ABLIM2: variants seen among roughly 807,000 people sequenced by gnomAD.
ABLIM2 encodes actin-binding LIM protein 2.
Under a neutral mutation model 97.7 loss-of-function variants are expected in ABLIM2, and 53 were observed. That is an observed-to-expected ratio of 0.54 (90% CI 0.44 to 0.68). The LOEUF (loss-of-function observed/expected upper bound fraction) is 0.68. Among genes scored for constraint, ABLIM2 ranks in the 30% least tolerant of loss-of-function variants. The probability of loss-of-function intolerance (pLI) is 0.00; values close to 1 mark genes in which losing one functional copy is unlikely to be tolerated. For missense variants in ABLIM2, 835 were observed against 867.2 expected (o/e 0.96, Z 0.47); for synonymous variants, 361 against 345.8 (o/e 1.04, Z -0.49).
intron 6 of ABLIM2, among the ~76,000 whole-genome samples, chr4:8,066,208 A>G (rs1258464273): frequency 2.0e-5 from 3 of 150,160 alleles, no homozygotes; most frequent in Admixed American, 6.7e-5. Context: ...CAGGAGGCTG[A>G]GGCAGGAGAA....
Position 8,020,338 on chromosome 4 carries a change from G to A in ABLIM2, c.1268-35C>T, listed in dbSNP as rs997246229. 10 of 1,553,152 alleles carry A rather than the reference G, an allele frequency of 6.4e-6. No individual in the cohort carries two copies. The African/African-American group carries it at 8.1e-5, about 13-fold the overall frequency. ...GAAGGGCAAAGGCAGCAGATAGAAGGGGAAACGGGAAAGCAAAGTAGAATA... is the reference window on the plus strand; with the variant it reads ...GAAGGGCAAAGGCAGCAGATAGAAGAGGAAACGGGAAAGCAAAGTAGAATA... On this transcript the variant is annotated intron_variant, in intron 12 of 20. Transcript: ENST00000447017.
chr4:7,972,087 A>G (rs1210053168), intron 20 of ABLIM2, among the ~76,000 whole-genome samples: 1 of 152,150 alleles, frequency 6.6e-6, no homozygotes. Flanking sequence ...TCCCTGCAGG[A>G]CCTACAGTGA....
rs556753976 is a variant in ABLIM2, at chr4:8,010,736, G to A, written c.1424-1634C>T. 2.2e-5 allele frequency: 8 copies of A among 369,672 alleles called. No homozygotes were observed. In the East Asian group the frequency reaches 8.3e-4, roughly 38 times the overall value. 22.9% of individuals were successfully genotyped at this position (369,672 alleles called of 1,614,324 possible). On this transcript the variant is annotated intron_variant, in intron 14 of 20. Transcript: ENST00000447017. ...TCAACGCCAAGCCTGCTCAAGAAGC[G>A]CTTAATGGAGAGGCAGAGGGGGCAG...
chr4:8,047,372 C>CCTCCTCCTCCTCCTCCTCTTT (rs1554003947), intron 8 of ABLIM2, among the ~76,000 whole-genome samples: 207 of 151,442 alleles, frequency 1.4e-3, no homozygotes, highest in Non-Finnish European at 1.7e-3. Context: ...TCCTCCTCCT[C>CCTCCTCCTCCTCCTCCTCTTT]CTCCTCCTCC....
At chr4:8,109,325 G>T (rs1839152113) in intron 1 of ABLIM2, among the ~76,000 whole-genome samples, 1 of 152,230 alleles carries the variant, frequency 6.6e-6, no homozygotes. Context: ...CACAGGCCCA[G>T]AAAACACCTG....
intron 7 of ABLIM2, among the ~76,000 whole-genome samples, chr4:8,057,728 A>T (rs1394932768): frequency 1.3e-5 from 2 of 152,234 alleles, no homozygotes; most frequent in South Asian, 4.1e-4. Context: ...CCGCGGCAGG[A>T]ACGGTGGTGG....
chr4:8,035,821 T>G (rs1448974833), intron 10 of ABLIM2, among the ~76,000 whole-genome samples: 2 of 152,228 alleles, frequency 1.3e-5, no homozygotes, highest in Admixed American at 6.5e-5. Flanking sequence ...GAAAATAATC[T>G]AATACTTAAG....
At chr4:8,000,946 A>G (rs528509034) in intron 16 of ABLIM2, among the ~76,000 whole-genome samples, 297 of 152,184 alleles carry the variant, frequency 2.0e-3, no homozygotes, top group African/African-American at 6.7e-3. Context: ...CGGGCACCTT[A>G]TGGGCAGAGG....
In ABLIM2 at chr4:8,071,207, T is replaced by C. The variant is rs1291314365; in HGVS notation, c.675+6421A>G. On this transcript the variant is annotated intron_variant, in intron 6 of 20. Coordinates refer to ENST00000447017, the MANE Select transcript of ABLIM2 (RefSeq NM_001130083.2). The surrounding 1 kb of genome is among the most constrained non-coding windows in gnomAD (Gnocchi z 6.2). ...CAGCAGCTGGCTCTGCCACAGTTGC[T>C]GCCAGGCGCCACCCACCTCTGCTGC... 6.6e-6 allele frequency among the ~76,000 whole-genome samples: 1 copy of C among 152,148 alleles called. No individual in the cohort carries two copies. Among genetic ancestry groups the C allele is most frequent in the Non-Finnish European group, 1.5e-5 (1 of 68,008 alleles).
At position 8,077,666 on chromosome 4, in the gene ABLIM2, C is replaced by T. The variant is rs1042589177; in HGVS notation, c.637G>A (p.Asp213Asn). Residue 213 changes from aspartate (D) to asparagine (N), a missense_variant, in exon 6 of 21, where the codon GAC (aspartate) becomes AAC (asparagine). Coordinates refer to ENST00000447017, the MANE Select transcript of ABLIM2 (RefSeq NM_001130083.2). ...DYHAKFGIRC[D>N]SCEKYITGRV... ...CCCGTGATGTATTTCTCACAGCTGT[C>T]ACAGCGGATGCCGAACTTGGCGTGA... 6.2e-7 allele frequency: 1 copy of T among 1,612,956 alleles called. No individual in the cohort carries two copies. Among genetic ancestry groups the T allele is most frequent in the African/African-American group, 1.3e-5 (1 of 74,940 alleles).
chr4:8,064,048 G>C (rs1332478913), intron 6 of ABLIM2, among the ~76,000 whole-genome samples: 1 of 152,198 alleles, frequency 6.6e-6, no homozygotes, highest in Non-Finnish European at 1.5e-5. Context: ...TGTGCAGTCC[G>C]ATCCTAGCCA....
chr4:7,998,593 G>A lies in ABLIM2; in HGVS notation c.1619-5666C>T, dbSNP rs564056229. On this transcript the variant is annotated intron_variant, in intron 16 of 20. Transcript: ENST00000447017. The surrounding 1 kb of genome is among the most constrained non-coding windows in gnomAD (Gnocchi z 6.4). ...CCCCTGGGTTCACTCCCAGGACTGC[G>A]GGGTGCCTGCTGGCCACCTGCCCAT... 46 of 484,552 alleles carry A rather than the reference G, an allele frequency of 9.5e-5. No individual in the cohort carries two copies. Among genetic ancestry groups the A allele is most frequent in the South Asian group, 2.8e-4 (19 of 66,728 alleles). The allele number at this position is 484,552 out of a possible 1,614,324, so 30.0% of individuals were successfully genotyped here.
rs1416704019 is a variant in ABLIM2, at chr4:8,001,919, T to A, written c.1618+6140A>T. ...ACCTGCCCGCTTGTCAGCACACACA[T>A]GTGCGTGCTCTCTCTCTCTTTTTCT... On this transcript the variant is annotated intron_variant, in intron 16 of 20. Coordinates refer to ENST00000447017, the MANE Select transcript of ABLIM2 (RefSeq NM_001130083.2). This position sits in a 1 kb window ranked among gnomAD's most constrained non-coding sequence, Gnocchi z 4.2. 6.6e-6 allele frequency among the ~76,000 whole-genome samples: 1 copy of A among 152,226 alleles called. No individual in the cohort carries two copies. Among genetic ancestry groups the A allele is most frequent in the Non-Finnish European group, 1.5e-5 (1 of 68,038 alleles).
At chr4:8,025,631 C>G (rs186779215) in intron 12 of ABLIM2, among the ~76,000 whole-genome samples, 1 of 152,076 alleles carries the variant, frequency 6.6e-6, no homozygotes, top group Non-Finnish European at 1.5e-5. Context: ...ACACTCAGGA[C>G]GGGGCAGAGG....
rs1255956902 is a variant in ABLIM2, at chr4:8,071,170, G to T, written c.675+6458C>A. 2.6e-5 allele frequency among the ~76,000 whole-genome samples: 4 copies of T among 151,836 alleles called. No homozygotes were observed. Among genetic ancestry groups the T allele is most frequent in the Admixed American group, 2.0e-4 (3 of 15,260 alleles). ...TCCCAGCTCCCTCTGTGGGGGCAGC[G>T]CCATCCGTCCCCAGCAGCTGGCTCT... On this transcript the variant is annotated intron_variant, in intron 6 of 20. Transcript: ENST00000447017. The surrounding 1 kb of genome is among the most constrained non-coding windows in gnomAD (Gnocchi z 6.2).
In ABLIM2 at chr4:8,147,465, T is replaced by C. The variant is rs1373625546; in HGVS notation, c.10+11215A>G. Reference sequence around the variant, plus strand: ...AGGGGAGGGGTCTTTGCAGATGTGATTTACATAAAGCGTCTAGAGACTGGG... The same window carrying C: ...AGGGGAGGGGTCTTTGCAGATGTGACTTACATAAAGCGTCTAGAGACTGGG... On this transcript the variant is annotated intron_variant, in intron 1 of 20. Transcript: ENST00000447017. This position sits in a 1 kb window ranked among gnomAD's most constrained non-coding sequence, Gnocchi z 5.3. 6.6e-6 allele frequency among the ~76,000 whole-genome samples: 1 copy of C among 152,132 alleles called. No individual in the cohort carries two copies. Among genetic ancestry groups the C allele is most frequent in the Non-Finnish European group, 1.5e-5 (1 of 68,028 alleles).
At chr4:8,101,239 C>G (rs910872295) in intron 2 of ABLIM2, among the ~76,000 whole-genome samples, 1 of 152,230 alleles carries the variant, frequency 6.6e-6, no homozygotes. Flanking sequence ...CAGCCCGGCT[C>G]AGGATCCCCT....
intron 12 of ABLIM2, chr4:8,020,844 T>G (rs1316988025): frequency 7.1e-6 from 1 of 140,430 alleles, no homozygotes; most frequent in Non-Finnish European, 1.5e-5. Context: ...CATTACCACA[T>G]TCTTTTTTTT....
intron 7 of ABLIM2, 74 bp downstream of exon 7, chr4:8,060,893 C>T (rs902048362): frequency 2.2e-5 from 28 of 1,297,844 alleles, no homozygotes; most frequent in Non-Finnish European, 2.9e-5. Flanking sequence ...CCTGTTCACA[C>T]CCAGCATGTG....
Sources: gnomAD v4.1 joint callset for allele counts (sites outside exome capture counted in the v4.1 genomes callset) on GRCh38, gnomAD v4.1.1 for gene constraint, Gnocchi (gnomAD v3.1) non-coding constraint, MANE v1.5 for transcripts, NCBI Gene and HGNC (gene_info 2026-07-23, HGNC 2026-07-21) for gene names.